ZBTB8B: variants seen among roughly 807,000 people sequenced by gnomAD.
The protein encoded by ZBTB8B is zinc finger and BTB domain-containing protein 8B.
In ZBTB8B, 17 loss-of-function variants were observed where a neutral mutation model predicts 30.3. The observed-to-expected ratio is 0.56, with a 90% CI of 0.38 to 0.84. The LOEUF (loss-of-function observed/expected upper bound fraction) is 0.84, where lower values mean the gene tolerates loss of function less well. ZBTB8B is among the 40% of genes least tolerant of loss of function. The pLI is 0.00. For missense variants in ZBTB8B, 515 were observed against 644.9 expected (o/e 0.80, Z 2.18); for synonymous variants, 248 against 255.6 (o/e 0.97, Z 0.28).
chr1:32,480,834 T>G (rs1570260647), intron 2 of ZBTB8B, 57 bp from the exon 3 acceptor site: 2 of 1,457,896 alleles, frequency 1.4e-6, no homozygotes, highest in Non-Finnish European at 9.2e-7. Flanking sequence ...CACCGGCGGG[T>G]AGCCAGGGTT....
chr1:32,483,551 G>T, intron 3 of ZBTB8B, among the ~76,000 whole-genome samples: 1 of 152,114 alleles, frequency 6.6e-6, no homozygotes, highest in East Asian at 1.9e-4. Flanking sequence ...TCCAAGAGGT[G>T]GGGGGATGGG....
chr1:32,485,495 A>G lies in ZBTB8B; in HGVS notation c.*77A>G. 1.4e-6 allele frequency: 2 copies of G among 1,410,558 alleles called. No individual in the cohort carries two copies. 87.4% of individuals were successfully genotyped at this position (1,410,558 alleles called of 1,614,324 possible). ...GTTGTTGAAAGATACCATTTGTCCA[A>G]TTTTGTGGAACCCTGAGAGGAACAT... On this transcript the variant is annotated 3_prime_UTR_variant, in exon 4 of 4. Coordinates refer to ENST00000609129, the MANE Select transcript of ZBTB8B (RefSeq NM_001145720.2).
Position 32,492,869 on chromosome 1 carries a change from G to A in ZBTB8B, c.*7451G>A, listed in dbSNP as rs1643789005. 1 of 152,104 alleles carries A rather than the reference G, an allele frequency of 6.6e-6. No homozygotes were observed. Among genetic ancestry groups the A allele is most frequent in the African/African-American group, 2.4e-5 (1 of 41,414 alleles). The allele number at this position is 152,104 out of a possible 1,614,324, so 9.4% of individuals were successfully genotyped here. On this transcript the variant is annotated 3_prime_UTR_variant, in exon 4 of 4. Transcript: ENST00000609129. ...GTGTGACAACAGGGACAAGCACAGG[G>A]TACTCTGAGAACGCGTGGGTCGGGT...
chr1:32,473,293 G>A (rs992165923), intron 2 of ZBTB8B, among the ~76,000 whole-genome samples: 2 of 150,542 alleles, frequency 1.3e-5, no homozygotes, highest in African/African-American at 4.9e-5. Context: ...GTGACAGAGC[G>A]AGACTACTTC....
At chr1:32,481,115 G>T in intron 3 of ZBTB8B, 46 bp downstream of exon 3, 5 of 1,484,780 alleles carry the variant, frequency 3.4e-6, no homozygotes, top group South Asian at 1.4e-5. Context: ...AGCTATTCAT[G>T]ATATCATCTA....
intron 2 of ZBTB8B, 60 bp from the exon 3 acceptor site, chr1:32,480,831 G>A (rs1277495954): frequency 9.0e-6 from 13 of 1,452,284 alleles, no homozygotes; most frequent in African/African-American, 1.4e-5. Context: ...ATCCACCGGC[G>A]GGTAGCCAGG....
rs1467842809 is a variant in ZBTB8B, at chr1:32,488,901, A to G, written c.*3483A>G. The G allele has an allele frequency of 6.6e-6, 1 of 152,080 alleles. No individual in the cohort carries two copies. Among genetic ancestry groups the G allele is most frequent in the African/African-American group, 2.4e-5 (1 of 41,396 alleles). 9.4% of individuals were successfully genotyped at this position (152,080 alleles called of 1,614,324 possible). ...AACCTCCACCTCCCAGGTTCAAGAG[A>G]TTCTTCTGTCTCAGCCTCTTGAGTA... On this transcript the variant is annotated 3_prime_UTR_variant, in exon 4 of 4. Transcript: ENST00000609129.
intron 2 of ZBTB8B, among the ~76,000 whole-genome samples, chr1:32,477,765 A>C (rs1643675109): frequency 6.6e-6 from 1 of 151,978 alleles, no homozygotes; most frequent in Admixed American, 6.6e-5. Context: ...TTGTTAAATT[A>C]GCTGCCCATG....
intron 2 of ZBTB8B, among the ~76,000 whole-genome samples, chr1:32,476,166 C>T (rs1643663848): frequency 6.6e-6 from 1 of 152,006 alleles, no homozygotes. Flanking sequence ...GACAGGGTCT[C>T]ACGCTGTCAC....
rs1643819465 is a variant in ZBTB8B at position 32,496,598 on chromosome 1, T to G, written c.*11180T>G. 6.6e-6 allele frequency: 1 copy of G among 152,234 alleles called. No individual in the cohort carries two copies. Among genetic ancestry groups the G allele is most frequent in the East Asian group, 1.9e-4 (1 of 5,196 alleles). The allele number at this position is 152,234 out of a possible 1,614,324, so 9.4% of individuals were successfully genotyped here. A position where few individuals can be genotyped will look rare whatever the true frequency, so the allele number is the denominator to read the frequency against. ...CAGGTCTGTTTATATAGGTCAGTGT[T>G]GCCCAGGTTGTATTGTTTTGCTGTT... On this transcript the variant is annotated 3_prime_UTR_variant, in exon 4 of 4. Transcript: ENST00000609129.
intron 3 of ZBTB8B, among the ~76,000 whole-genome samples, chr1:32,481,679 C>T (rs1196967675): frequency 6.6e-6 from 1 of 152,160 alleles, no homozygotes; most frequent in Non-Finnish European, 1.5e-5. Flanking sequence ...AGGTTTGTTA[C>T]ATGGGTAAAC....
intron 2 of ZBTB8B, among the ~76,000 whole-genome samples, chr1:32,473,655 G>A (rs1303534890): frequency 2.0e-5 from 3 of 151,470 alleles, no homozygotes; most frequent in African/African-American, 7.3e-5. Context: ...TGTGATTACG[G>A]GCATACACCA....
At chr1:32,470,498 TCAAAAA>T (rs1643607434) in intron 1 of ZBTB8B, 80 bp from the exon 2 acceptor site, 1 of 672,254 alleles carries the variant, frequency 1.5e-6, no homozygotes, top group African/African-American at 5.7e-5. Flanking sequence ...AGACGCTGAC[TCAAAAA>T]AAAAAAAAAA....
At position 32,465,545 on chromosome 1, in the gene ZBTB8B, C is replaced by T; in HGVS notation, c.-42+440C>T. Among the ~76,000 whole-genome samples the T allele has an allele frequency of 6.6e-6, 1 of 152,342 alleles. No individual in the cohort carries two copies. The highest frequency in any genetic ancestry group is 2.4e-5 in the African/African-American group (1 of 41,572). ...TGGTTCTGGTGGCCTCTCTGCAGGT[C>T]GTCTGATGCTGGACGGGGGAGGGTC... On this transcript the variant is annotated intron_variant, in intron 1 of 3. Coordinates refer to ENST00000609129, the MANE Select transcript of ZBTB8B (RefSeq NM_001145720.2). This position sits in a 1 kb window ranked among gnomAD's most constrained non-coding sequence, Gnocchi z 4.1.
In ZBTB8B at chr1:32,488,764, T is replaced by C. The variant is rs1643761722; in HGVS notation, c.*3346T>C. On this transcript the variant is annotated 3_prime_UTR_variant, in exon 4 of 4. Coordinates refer to ENST00000609129, the MANE Select transcript of ZBTB8B (RefSeq NM_001145720.2). Reference sequence around the variant, plus strand: ...TATTTTAAGCTACCTTTTACCTGCATAATATTTATTTATTTTTAATTTTAT... The same window carrying C: ...TATTTTAAGCTACCTTTTACCTGCACAATATTTATTTATTTTTAATTTTAT... The C allele has an allele frequency of 6.6e-6, 1 of 152,152 alleles. No individual in the cohort carries two copies. Among genetic ancestry groups the C allele is most frequent in the South Asian group, 2.1e-4 (1 of 4,830 alleles). The allele number at this position is 152,152 out of a possible 1,614,324, so 9.4% of individuals were successfully genotyped here. A position where few individuals can be genotyped will look rare whatever the true frequency, so the allele number is the denominator to read the frequency against.
rs184445016 is a variant in ZBTB8B at position 32,496,408 on chromosome 1, G to A, written c.*10990G>A. On this transcript the variant is annotated 3_prime_UTR_variant, in exon 4 of 4. Coordinates refer to ENST00000609129, the MANE Select transcript of ZBTB8B (RefSeq NM_001145720.2). ...ATCTTTGCCTGCCAAGTTTGCAAAT[G>A]GATTAGTTCATTACAAAGGCACTTG... is the stretch of plus-strand genomic sequence containing the variant. 27 of 152,110 alleles carry A rather than the reference G, an allele frequency of 1.8e-4. No individual in the cohort carries two copies. The highest frequency in any genetic ancestry group is 1.5e-5 in the Non-Finnish European group (1 of 68,028). The allele number at this position is 152,110 out of a possible 1,614,324, so 9.4% of individuals were successfully genotyped here.
intron 2 of ZBTB8B, among the ~76,000 whole-genome samples, chr1:32,479,380 G>T (rs934241769): frequency 1.4e-4 from 21 of 151,988 alleles, no homozygotes; most frequent in African/African-American, 5.1e-4. Context: ...AAAATTAACT[G>T]GGCATGGTGG....
chr1:32,468,679 A>G (rs1197644822), intron 1 of ZBTB8B, among the ~76,000 whole-genome samples: 4 of 152,138 alleles, frequency 2.6e-5, no homozygotes, highest in African/African-American at 9.7e-5. Context: ...TGGGTAACAC[A>G]GTGAAACCCC....
intron 1 of ZBTB8B, among the ~76,000 whole-genome samples, chr1:32,469,883 A>T (rs1217870756): frequency 2.0e-5 from 3 of 152,082 alleles, no homozygotes; most frequent in Non-Finnish European, 4.4e-5. Context: ...TCCAAAGCAG[A>T]CCATATTATT....
Sources: allele counts gnomAD v4.1 joint callset (sites outside exome capture counted in the v4.1 genomes callset), GRCh38; gene constraint gnomAD v4.1.1; non-coding constraint Gnocchi (gnomAD v3.1); transcripts MANE v1.5; gene names NCBI Gene and HGNC (gene_info 2026-07-23, HGNC 2026-07-21).